The following TUSC3 variants were observed in gnomAD, a reference collection of about 807,000 sequenced individuals.
The protein encoded by TUSC3 is dolichyl-diphosphooligosaccharide--protein glycosyltransferase subunit TUSC3.
TUSC3 carries 45 observed loss-of-function variants against 44.8 expected under a neutral mutation model. That is an observed-to-expected ratio of 1.00 (90% CI 0.79 to 1.29). The LOEUF is 1.29. Ranked by LOEUF, TUSC3 falls within the 50% of genes most tolerant of loss-of-function variation. The probability of loss-of-function intolerance (pLI) is 0.00; values close to 1 mark genes in which losing one functional copy is unlikely to be tolerated. For missense variants in TUSC3, 519 were observed against 437.9 expected (o/e 1.19, Z -1.65); for synonymous variants, 212 against 152.9 (o/e 1.39, Z -2.85).
At chr8:15,465,865 A>T (rs538767644) in intron 1 of TUSC3, among the ~76,000 whole-genome samples, 1 of 152,146 alleles carries the variant, frequency 6.6e-6, no homozygotes, top group Non-Finnish European at 1.5e-5. Context: ...GGTGTCTTCA[A>T]AGTCAACAGG....
At position 15,540,360 on chromosome 8, in the gene TUSC3, GC is replaced by G; in HGVS notation, c.-70del. ...CAGCGGGCTCCCGGAGGCTGGCCGG[GC>G]AGGCGTGGTGCGCGGTAGGAGCTGG... On this transcript the variant is annotated 5_prime_UTR_variant, in exon 1 of 11. Transcript: ENST00000503731. 7.0e-7 allele frequency: 1 copy of G among 1,424,348 alleles called. No homozygotes were observed. Among genetic ancestry groups the G allele is most frequent in the South Asian group, 1.5e-5 (1 of 67,810 alleles). The allele number at this position is 1,424,348 out of a possible 1,614,324, so 88.2% of individuals were successfully genotyped here.
At chr8:15,828,526 T>C in the TUSC3 span, among the ~76,000 whole-genome samples, 1 of 152,222 alleles carries the variant, frequency 6.6e-6, no homozygotes, top group Non-Finnish European at 1.5e-5. Flanking sequence ...CTGTTTATTT[T>C]AGAAAGTAGT....
At chr8:15,584,449 G>A (rs1328478233) in intron 1 of TUSC3, among the ~76,000 whole-genome samples, 2 of 152,174 alleles carry the variant, frequency 1.3e-5, no homozygotes, top group African/African-American at 2.4e-5. Flanking sequence ...ACTCTTACAT[G>A]TTCAGGGGAA....
At chr8:15,509,196 A>G (rs1801099624) in intron 2 of TUSC3, among the ~76,000 whole-genome samples, 2 of 152,232 alleles carry the variant, frequency 1.3e-5, no homozygotes, top group Non-Finnish European at 2.9e-5. Flanking sequence ...AGTACAGAAG[A>G]GCAAATATTG....
At chr8:15,631,815 C>T (rs957557891) in intron 2 of TUSC3, among the ~76,000 whole-genome samples, 1 of 151,998 alleles carries the variant, frequency 6.6e-6, no homozygotes, top group African/African-American at 2.4e-5. Context: ...AAGCGATTCT[C>T]CTGCCTCAGC....
At chr8:15,607,159 AC>A (rs939711442) in intron 1 of TUSC3, among the ~76,000 whole-genome samples, 6 of 152,056 alleles carry the variant, frequency 3.9e-5, no homozygotes, top group African/African-American at 1.4e-4. Flanking sequence ...GAGCGTCTGA[AC>A]CAAGGAAACG....
intron 1 of TUSC3, among the ~76,000 whole-genome samples, chr8:15,613,517 G>T (rs1369278040): frequency 6.6e-6 from 1 of 152,128 alleles, no homozygotes; most frequent in Non-Finnish European, 1.5e-5. Flanking sequence ...TTATGAAGGG[G>T]AAGTTCCCTG....
the TUSC3 span, among the ~76,000 whole-genome samples, chr8:15,782,211 C>T: frequency 6.6e-6 from 1 of 152,130 alleles, no homozygotes; most frequent in Admixed American, 6.5e-5. Context: ...AGTAAACTGG[C>T]CCTGTAGTCC....
the TUSC3 span, among the ~76,000 whole-genome samples, chr8:15,796,633 G>T: frequency 2.0e-5 from 3 of 152,158 alleles, no homozygotes; most frequent in Non-Finnish European, 4.4e-5. Context: ...GGCATTTAGG[G>T]GACCACTGTG....
At chr8:15,723,299 G>A (rs1294550495) in intron 6 of TUSC3, among the ~76,000 whole-genome samples, 4 of 152,132 alleles carry the variant, frequency 2.6e-5, no homozygotes, top group African/African-American at 4.8e-5. Context: ...GAGAATGGTG[G>A]CTTATTGCTG....
chr8:15,842,823 C>T, the TUSC3 span, among the ~76,000 whole-genome samples: 3 of 152,134 alleles, frequency 2.0e-5, no homozygotes. Flanking sequence ...GTACATCTCC[C>T]CAGGATATTT....
At chr8:15,515,863 G>T (rs1040782402) in intron 2 of TUSC3, among the ~76,000 whole-genome samples, 4 of 151,900 alleles carry the variant, frequency 2.6e-5, no homozygotes, top group African/African-American at 9.7e-5. Context: ...TAGAAACGGA[G>T]TTTCACCATA....
intron 5 of TUSC3, among the ~76,000 whole-genome samples, chr8:15,673,246 G>A (rs865873112): frequency 6.6e-5 from 10 of 152,162 alleles, no homozygotes; most frequent in South Asian, 4.1e-4. Flanking sequence ...AACATCTTCT[G>A]AATTTACTGT....
At chr8:15,689,819 A>G (rs1808815926) in intron 6 of TUSC3, among the ~76,000 whole-genome samples, 1 of 122,360 alleles carries the variant, frequency 8.2e-6, no homozygotes, top group Admixed American at 8.8e-5. Flanking sequence ...TTAATAGTCC[A>G]TGGTGTGTGT....
chr8:15,546,161 C>T (rs1407536249), intron 1 of TUSC3, among the ~76,000 whole-genome samples: 34 of 151,782 alleles, frequency 2.2e-4, no homozygotes, highest in Admixed American at 2.2e-3. Context: ...TGGTCTCTAT[C>T]CAGTCTTTAT....
intron 1 of TUSC3, among the ~76,000 whole-genome samples, chr8:15,603,265 T>A (rs2129155407): frequency 6.6e-6 from 1 of 151,878 alleles, no homozygotes; most frequent in Non-Finnish European, 1.5e-5. Context: ...AATATATGTA[T>A]AATGTCATTA....
chr8:15,720,022 G>A (rs947425438), intron 6 of TUSC3, among the ~76,000 whole-genome samples: 5 of 151,990 alleles, frequency 3.3e-5, no homozygotes, highest in Non-Finnish European at 7.4e-5. Flanking sequence ...GGGCTTAAGT[G>A]ATCCTCCTGC....
chr8:15,521,051 G>A (rs1386945299), intron 2 of TUSC3, among the ~76,000 whole-genome samples: 1 of 152,184 alleles, frequency 6.6e-6, no homozygotes, highest in Non-Finnish European at 1.5e-5. Flanking sequence ...AGTCCAGCTT[G>A]ACGAGTAGAT....
intron 1 of TUSC3, among the ~76,000 whole-genome samples, chr8:15,548,537 C>T (rs1383301247): frequency 6.6e-6 from 1 of 151,784 alleles, no homozygotes; most frequent in Admixed American, 6.6e-5. Context: ...CTCGAAAGTA[C>T]ACGCCTGAGG....
Sources: allele counts gnomAD v4.1 joint callset (sites outside exome capture counted in the v4.1 genomes callset), GRCh38; gene constraint gnomAD v4.1.1; transcripts MANE v1.5; gene names NCBI Gene and HGNC (gene_info 2026-07-23, HGNC 2026-07-21).